The following LPAR1 variants were observed in gnomAD, a reference collection of about 807,000 sequenced individuals.
The protein encoded by LPAR1 is lysophosphatidic acid receptor 1, also known as LPA receptor 1.
In LPAR1, 5 loss-of-function variants were observed where a neutral mutation model predicts 23.8. That is an observed-to-expected ratio of 0.21 (90% CI 0.11 to 0.44). LPAR1 has a LOEUF of 0.44. LPAR1 is among the 20% of genes least tolerant of loss of function. LPAR1 has a pLI of 0.99. For missense variants in LPAR1, 311 were observed against 482.8 expected, an observed-to-expected ratio of 0.64 and a Z score of 3.33; for synonymous variants, 160 against 164.7, an observed-to-expected ratio of 0.97 and a Z score of 0.22.
Position 110,917,544 on chromosome 9 carries a change from C to A in LPAR1, c.793+23877G>T, listed in dbSNP as rs182130627. Among the ~76,000 whole-genome samples the A allele has an allele frequency of 4.6e-5, 7 of 152,214 alleles. 1 individual carries two copies. In the East Asian group the frequency reaches 1.2e-3, roughly 25 times the overall value. On this transcript the variant is annotated intron_variant, in intron 5 of 5. Coordinates refer to ENST00000683809, the MANE Select transcript of LPAR1 (RefSeq NM_001351411.2). ...GAACTGCACTTTGGTTACAGACCAC[C>A]AACCTTCACTGAGAAATGATATGGC...
In LPAR1 at chr9:110,959,170, C is replaced by CAAAAAAAAAAAAAAAAA. The variant is rs1186318362; in HGVS notation, c.45+12902_45+12903insTTTTTTTTTTTTTTTTT. Among the ~76,000 whole-genome samples the CAAAAAAAAAAAAAAAAA allele has an allele frequency of 4.6e-4, 37 of 81,130 alleles. 1 individual carries two copies. The highest frequency in any genetic ancestry group is 9.4e-3 in the Middle Eastern group (1 of 106). 53.2% of individuals were successfully genotyped at this position (81,130 alleles called of 152,430 possible). A position where few individuals can be genotyped will look rare whatever the true frequency, so the allele number is the denominator to read the frequency against. On this transcript the variant is annotated intron_variant, in intron 4 of 5. Coordinates refer to ENST00000683809, the MANE Select transcript of LPAR1 (RefSeq NM_001351411.2). ...AAAAAACAGTATGAAGATGTCTCTA[C>CAAAAAAAAAAAAAAAAA]AAAAAAAAAAAAAAACCACTAAAAC...
intron 5 of LPAR1, among the ~76,000 whole-genome samples, chr9:110,937,372 C>T (rs2094788562): frequency 6.6e-6 from 1 of 152,164 alleles, no homozygotes; most frequent in Admixed American, 6.5e-5. Context: ...AGGGGACAAA[C>T]ACATGGGTTC....
Position 110,946,144 on chromosome 9 carries a change from A to C in LPAR1, c.46-3976T>G, listed in dbSNP as rs55928596. 5.5e-3 allele frequency among the ~76,000 whole-genome samples: 844 copies of C among 152,286 alleles called. 13 individuals are homozygous for C. The highest frequency in any genetic ancestry group is 0.019 in the African/African-American group (785 of 41,554). Reference sequence around the variant, plus strand: ...TCCAGAAAACTGAAATGGCAGGTAGAAGACTAAGGAAATTCACCCAACACT... The same window carrying C: ...TCCAGAAAACTGAAATGGCAGGTAGCAGACTAAGGAAATTCACCCAACACT... On this transcript the variant is annotated intron_variant, in intron 4 of 5. Transcript: ENST00000683809.
At chr9:110,972,388 C>A (rs2096452395) in intron 3 of LPAR1, among the ~76,000 whole-genome samples, 168 bp from the exon 4 acceptor site, 1 of 152,166 alleles carries the variant, frequency 6.6e-6, no homozygotes, top group African/African-American at 2.4e-5. Context: ...GCCACGACTT[C>A]TGTGCTATCT....
intron 2 of LPAR1, among the ~76,000 whole-genome samples, chr9:111,021,177 T>G (rs1021348665): frequency 6.6e-6 from 1 of 152,154 alleles, no homozygotes; most frequent in Non-Finnish European, 1.5e-5. Flanking sequence ...GGTACAAACT[T>G]CCAGTTATGA....
chr9:110,955,462 C>T (rs1015164683), intron 4 of LPAR1, among the ~76,000 whole-genome samples: 1 of 151,994 alleles, frequency 6.6e-6, no homozygotes, highest in Non-Finnish European at 1.5e-5. Context: ...GAGACAGATT[C>T]CAATACAATA....
chr9:110,961,658 G>A (rs1392200967), intron 4 of LPAR1, among the ~76,000 whole-genome samples: 1 of 150,880 alleles, frequency 6.6e-6, no homozygotes, highest in Non-Finnish European at 1.5e-5. Context: ...AGAAAAAGAG[G>A]TTTAATGGAC....
chr9:110,932,119 C>T (rs572118424), intron 5 of LPAR1, among the ~76,000 whole-genome samples: 4 of 152,254 alleles, frequency 2.6e-5, no homozygotes, highest in East Asian at 3.9e-4. Flanking sequence ...ACTATCAAAT[C>T]GCATTGAATT....
chr9:110,950,086 T>A (rs1241255515), intron 4 of LPAR1, among the ~76,000 whole-genome samples: 5 of 151,570 alleles, frequency 3.3e-5, no homozygotes, highest in African/African-American at 1.2e-4. Flanking sequence ...ACACTAATTG[T>A]CATATTTAAG....
In LPAR1 at chr9:111,016,553, C is replaced by T. The variant is rs182693573; in HGVS notation, c.-182+19569G>A. 9.7e-4 allele frequency among the ~76,000 whole-genome samples: 147 copies of T among 152,274 alleles called. 1 individual carries two copies. The Middle Eastern group carries it at 0.041, about 42-fold the overall frequency. On this transcript the variant is annotated intron_variant, in intron 2 of 5. Coordinates refer to ENST00000683809, the MANE Select transcript of LPAR1 (RefSeq NM_001351411.2). ...TGAAGTAAAAAGACTCCACAAAATC[C>T]GTGCTCATAGGCTGATCTTTGTTCA...
intron 4 of LPAR1, among the ~76,000 whole-genome samples, chr9:110,957,822 A>C (rs543926660): frequency 6.6e-6 from 1 of 152,312 alleles, no homozygotes; most frequent in South Asian, 2.1e-4. Context: ...ACATGATCTT[A>C]TATCTAGAAA....
At chr9:111,018,007 G>C (rs1159593113) in intron 2 of LPAR1, among the ~76,000 whole-genome samples, 2 of 151,994 alleles carry the variant, frequency 1.3e-5, no homozygotes, top group Non-Finnish European at 2.9e-5. Flanking sequence ...GACAGAGCAA[G>C]ACTCTGTCTA....
intron 5 of LPAR1, among the ~76,000 whole-genome samples, chr9:110,939,322 G>C (rs1431241815): frequency 6.6e-6 from 1 of 152,112 alleles, no homozygotes; most frequent in Admixed American, 6.6e-5. Context: ...TCTCAAAAAG[G>C]CTACGGTCCA....
At chr9:110,906,056 C>G (rs577060127) in intron 5 of LPAR1, among the ~76,000 whole-genome samples, 3 of 152,104 alleles carry the variant, frequency 2.0e-5, no homozygotes, top group African/African-American at 7.2e-5. Context: ...CCATAGGTAG[C>G]AATGGATTTG....
At chr9:111,021,530 G>A (rs1167060079) in intron 2 of LPAR1, among the ~76,000 whole-genome samples, 1 of 152,004 alleles carries the variant, frequency 6.6e-6, no homozygotes, top group Non-Finnish European at 1.5e-5. Context: ...ATATAACTTA[G>A]ATGCTGCATA....
At chr9:110,997,413 A>C (rs906312620) in intron 2 of LPAR1, among the ~76,000 whole-genome samples, 1 of 152,196 alleles carries the variant, frequency 6.6e-6, no homozygotes, top group Non-Finnish European at 1.5e-5. Flanking sequence ...GTTGCGTATT[A>C]ACTATTGAGA....
chr9:110,947,672 G>C (rs2095429147), intron 4 of LPAR1, among the ~76,000 whole-genome samples: 2 of 152,204 alleles, frequency 1.3e-5, no homozygotes, highest in African/African-American at 4.8e-5. Flanking sequence ...TGCCTTCTAG[G>C]AGTACGACTG....
chr9:110,950,373 G>C (rs938611274), intron 4 of LPAR1, among the ~76,000 whole-genome samples: 6 of 150,610 alleles, frequency 4.0e-5, no homozygotes, highest in Non-Finnish European at 7.4e-5. Context: ...GCTGAGGCAT[G>C]AGAATTGCTT....
chr9:110,941,517 G>A lies in LPAR1; in HGVS notation c.697C>T (p.Arg233Cys), dbSNP rs867570489. The change falls in exon 5 of 6, where the codon CGC becomes TGC. Residue 233 changes from arginine to cysteine, a missense_variant. Arg to Cys is a radical substitution (Grantham distance 180). Coordinates refer to ENST00000683809, the MANE Select transcript of LPAR1 (RefSeq NM_001351411.2). The surrounding 1 kb of genome is among the most constrained non-coding windows in gnomAD (Gnocchi z 6.1). ...CGAGACATTCTCATAGTCCTCTGGC[G>A]AACATAGCCAAAGATGTGAGCATAG... ...VLYAHIFGYVRQRTMRMSRHS... is the reference protein window; with the variant it reads ...VLYAHIFGYVCQRTMRMSRHS... The A allele has an allele frequency of 1.2e-6, 2 of 1,614,022 alleles. No individual in the cohort carries two copies. Among genetic ancestry groups the A allele is most frequent in the East Asian group, 2.2e-5 (1 of 44,880 alleles).
Sources: allele counts gnomAD v4.1 joint callset (sites outside exome capture counted in the v4.1 genomes callset), GRCh38; gene constraint gnomAD v4.1.1; non-coding constraint Gnocchi (gnomAD v3.1); transcripts MANE v1.5; gene names NCBI Gene and HGNC (gene_info 2026-07-23, HGNC 2026-07-21).